The following NEBL variants were observed in gnomAD, a reference collection of about 807,000 sequenced individuals.
NEBL encodes the protein nebulette.
NEBL carries 122 observed loss-of-function variants against 140.2 expected under a neutral mutation model. The observed-to-expected ratio is 0.87, with a 90% CI of 0.75 to 1.01. The LOEUF (loss-of-function observed/expected upper bound fraction) is 1.01, where lower values mean the gene tolerates loss of function less well. NEBL is among the 50% of genes least tolerant of loss of function. The pLI, the probability that NEBL is intolerant of heterozygous loss-of-function variation, is 0.00. For missense variants in NEBL, 1,365 were observed against 1,231.3 expected (o/e 1.11, Z -1.62); for synonymous variants, 436 against 398.9 (o/e 1.09, Z -1.11).
rs116177506 is a variant in NEBL at position 20,826,730 on chromosome 10, A to G, written c.1777-191T>C. Among the ~76,000 whole-genome samples the G allele has an allele frequency of 2.0e-3, 311 of 152,328 alleles. 1 individual carries two copies. Among genetic ancestry groups the G allele is most frequent in the African/African-American group, 7.0e-3 (291 of 41,574 alleles). ...CATGAAAACTTTGGTTTTATATCCC[A>G]TAATCTCACAAATAACCCTCTCCTG... On this transcript the variant is annotated intron_variant, in intron 17 of 27. Transcript: ENST00000377122.
intron 2 of NEBL, among the ~76,000 whole-genome samples, chr10:21,145,049 A>T (rs1272976424): frequency 6.6e-6 from 1 of 152,214 alleles, no homozygotes; most frequent in East Asian, 1.9e-4. Context: ...ATAAAATAAA[A>T]GATGCTCGTG....
At chr10:20,990,976 C>T (rs956156124) in intron 3 of NEBL, among the ~76,000 whole-genome samples, 8 of 152,142 alleles carry the variant, frequency 5.3e-5, no homozygotes, top group East Asian at 1.9e-4. Context: ...CTATTTTGCA[C>T]GCTGTCCATC....
At position 21,240,907 on chromosome 10, in the gene NEBL, T is replaced by TACACACACACACACAC. The variant is rs61704937; in HGVS notation, n.348+6998_348+7013dup. Reference sequence around the variant, plus strand: ...CAGAACAGGGCAAAACACGCACACATACACACACACACACACACACACACA... The same window carrying TACACACACACACACAC: ...CAGAACAGGGCAAAACACGCACACATACACACACACACACACACACACACACACACACACACACACA... On this transcript the variant is annotated intron_variant and non_coding_transcript_variant, in intron 3 of 8. Transcript: ENST00000675702. Among the ~76,000 whole-genome samples the TACACACACACACACAC allele has an allele frequency of 5.7e-3, 785 of 137,362 alleles. 3 individuals carry two copies. The highest frequency in any genetic ancestry group is 0.022 in the Middle Eastern group (6 of 274). 90.1% of individuals were successfully genotyped at this position (137,362 alleles called of 152,430 possible).
At chr10:20,817,514 T>G in intron 21 of NEBL, 86 bp downstream of exon 21, 1 of 1,155,118 alleles carries the variant, frequency 8.7e-7, no homozygotes, top group Non-Finnish European at 1.3e-6. Flanking sequence ...CTCAAGGTTA[T>G]GAAAATTCTA....
chr10:21,079,855 G>C (rs1836286926), intron 2 of NEBL, among the ~76,000 whole-genome samples: 1 of 152,164 alleles, frequency 6.6e-6, no homozygotes, highest in South Asian at 2.1e-4. Flanking sequence ...ACCCAAGGTA[G>C]CTCCACCTCT....
intron 5 of NEBL, among the ~76,000 whole-genome samples, chr10:20,874,261 C>G (rs530815601): frequency 7.2e-5 from 11 of 152,284 alleles, no homozygotes; most frequent in African/African-American, 2.4e-4. Context: ...AACAGCTCCC[C>G]CATCACTCCA....
intron 14 of NEBL, among the ~76,000 whole-genome samples, chr10:20,832,546 G>T (rs1328165953): frequency 6.6e-6 from 1 of 151,892 alleles, no homozygotes; most frequent in African/African-American, 2.4e-5. Context: ...ATAAAATTCA[G>T]AAAGCTGTAC....
chr10:21,037,247 G>A (rs1403418131), intron 2 of NEBL, among the ~76,000 whole-genome samples: 1 of 134,254 alleles, frequency 7.4e-6, no homozygotes, highest in African/African-American at 2.7e-5. Context: ...AAAGAACAAA[G>A]ATGAAAATGA....
chr10:21,186,988 A>ATGTGTGTGTGTG (rs35359446), intron 3 of NEBL, among the ~76,000 whole-genome samples: 15 of 141,988 alleles, frequency 1.1e-4, no homozygotes, highest in East Asian at 8.5e-4. Flanking sequence ...CCAACTCTGT[A>ATGTGTGTGTGTG]TGTGTGTGTG....
At chr10:20,878,722 C>A (rs1369285806) in intron 5 of NEBL, among the ~76,000 whole-genome samples, 5 of 152,194 alleles carry the variant, frequency 3.3e-5, no homozygotes, top group Non-Finnish European at 7.3e-5. Flanking sequence ...ATTATATGTA[C>A]AAACTTTGCA....
chr10:21,229,987 C>A lies in NEBL; in HGVS notation n.348+17934G>T, dbSNP rs147580032. 8.8e-4 allele frequency among the ~76,000 whole-genome samples: 134 copies of A among 152,292 alleles called. 1 individual carries two copies. The East Asian group carries it at 0.022, about 25-fold the overall frequency. ...ACTCCGCTAATGTAGTTGGCAGGCA[C>A]TATTTTTCAAAATGAATCAACTCTT... On this transcript the variant is annotated intron_variant and non_coding_transcript_variant, in intron 3 of 8. Coordinates refer to the NEBL transcript ENST00000675702.
chr10:21,023,700 T>TAAAC (rs746197857), intron 2 of NEBL, among the ~76,000 whole-genome samples: 2 of 151,556 alleles, frequency 1.3e-5, no homozygotes, highest in African/African-American at 2.4e-5. Flanking sequence ...ATCTCAAAAA[T>TAAAC]AAATAAATAA....
At chr10:20,880,746 G>T in intron 5 of NEBL, 48 bp downstream of exon 5, 3 of 1,365,112 alleles carry the variant, frequency 2.2e-6, no homozygotes, top group South Asian at 2.3e-5. Flanking sequence ...GCCCTAATAT[G>T]ACTTAACTAC....
intron 23 of NEBL, chr10:20,813,706 A>G (rs1838402658): frequency 9.6e-6 from 5 of 519,318 alleles, no homozygotes; most frequent in Non-Finnish European, 1.7e-5. Context: ...AGTTTACAGT[A>G]GTCACGTTAG....
intron 2 of NEBL, among the ~76,000 whole-genome samples, chr10:21,020,650 G>A (rs747636010): frequency 5.3e-5 from 8 of 152,098 alleles, no homozygotes; most frequent in Non-Finnish European, 8.8e-5. Flanking sequence ...TCTCTTGCCC[G>A]TTATAATGAC....
intron 2 of NEBL, among the ~76,000 whole-genome samples, chr10:21,153,894 C>T (rs1190910784): frequency 1.3e-5 from 2 of 151,206 alleles, no homozygotes; most frequent in Non-Finnish European, 2.9e-5. Flanking sequence ...TGTAGGACCT[C>T]GTTATATTTG....
chr10:20,941,169 T>G (rs1309623930), intron 4 of NEBL, among the ~76,000 whole-genome samples: 2 of 152,310 alleles, frequency 1.3e-5, no homozygotes, highest in East Asian at 3.9e-4. Context: ...CTGATGAACA[T>G]TGATGCAAAA....
At chr10:21,006,306 G>T (rs1838136978) in intron 3 of NEBL, among the ~76,000 whole-genome samples, 2 of 152,192 alleles carry the variant, frequency 1.3e-5, no homozygotes, top group Admixed American at 6.5e-5. Flanking sequence ...TCCCAGGAGT[G>T]GAATTGCCAG....
intron 3 of NEBL, among the ~76,000 whole-genome samples, chr10:21,013,894 T>A (rs1177576376): frequency 6.6e-6 from 1 of 151,716 alleles, no homozygotes; most frequent in East Asian, 1.9e-4. Flanking sequence ...AAGAACCCAA[T>A]GAAGAGCAGA....
Sources: allele counts gnomAD v4.1 joint callset (sites outside exome capture counted in the v4.1 genomes callset), GRCh38; gene constraint gnomAD v4.1.1; transcripts MANE v1.5; gene names NCBI Gene and HGNC (gene_info 2026-07-23, HGNC 2026-07-21).